Variants in FGF12 observed in about 807,000 individuals in gnomAD.
The protein encoded by FGF12 is fibroblast growth factor 12, also known as fibroblast growth factor 12B.
A neutral mutation model predicts 23.6 loss-of-function variants in FGF12; 14 were observed. The observed-to-expected ratio is 0.59, with a 90% CI of 0.39 to 0.93. FGF12 has a LOEUF of 0.93. Ranked by LOEUF, FGF12 falls within the 40% of genes least tolerant of loss-of-function variation. The pLI, the probability that FGF12 is intolerant of heterozygous loss-of-function variation, is 0.00. For synonymous variants in FGF12, 62 were observed against 77.3 expected (o/e 0.80, Z 1.04); for missense variants, 175 against 217.8 (o/e 0.80, Z 1.24).
At chr3:192,455,429 G>T (rs1446306543) in intron 2 of FGF12, among the ~76,000 whole-genome samples, 1 of 152,082 alleles carries the variant, frequency 6.6e-6, no homozygotes, top group Non-Finnish European at 1.5e-5. Context: ...ATAGTTGCAA[G>T]GAAACTCTGC....
At chr3:192,305,857 T>TTTTTG in intron 4 of FGF12, among the ~76,000 whole-genome samples, 1 of 125,578 alleles carries the variant, frequency 8.0e-6, no homozygotes, top group Non-Finnish European at 1.7e-5. Context: ...CTCTCTGGTT[T>TTTTTG]TTTTTTTTTT....
chr3:192,726,931 T>TC (rs1446076743), intron 2 of FGF12: 5 of 541,194 alleles, frequency 9.2e-6, no homozygotes, highest in South Asian at 2.8e-5. Context: ...TCTCCCCACC[T>TC]CCCCCCAAAA....
At chr3:192,548,649 T>C (rs1316032296) in intron 2 of FGF12, among the ~76,000 whole-genome samples, 1 of 152,168 alleles carries the variant, frequency 6.6e-6, no homozygotes, top group African/African-American at 2.4e-5. Flanking sequence ...ATTCTGAACA[T>C]TATTATTAAT....
chr3:192,574,232 G>A (rs899475915), intron 2 of FGF12, among the ~76,000 whole-genome samples: 2 of 152,150 alleles, frequency 1.3e-5, no homozygotes, highest in African/African-American at 4.8e-5. Context: ...TTTGGATATG[G>A]AGAAACAAAG....
chr3:192,655,407 A>G (rs1203064591), intron 2 of FGF12, among the ~76,000 whole-genome samples: 3 of 152,168 alleles, frequency 2.0e-5, no homozygotes, highest in African/African-American at 7.2e-5. Flanking sequence ...GCTGCAATAG[A>G]CAGACAGACA....
chr3:192,599,327 T>A (rs1452760869), intron 2 of FGF12, among the ~76,000 whole-genome samples: 1 of 150,568 alleles, frequency 6.6e-6, no homozygotes, highest in Non-Finnish European at 1.5e-5. Flanking sequence ...AATTTAGGCC[T>A]TAACTTTGCA....
intron 4 of FGF12, among the ~76,000 whole-genome samples, chr3:192,212,231 G>A (rs1431015526): frequency 6.6e-6 from 1 of 152,032 alleles, no homozygotes; most frequent in African/African-American, 2.4e-5. Flanking sequence ...TTCTTTCATA[G>A]ACAATAAAAA....
At chr3:192,293,907 C>T (rs1393823980) in intron 4 of FGF12, among the ~76,000 whole-genome samples, 4 of 152,034 alleles carry the variant, frequency 2.6e-5, no homozygotes, top group Non-Finnish European at 5.9e-5. Flanking sequence ...CTCTTCTGGT[C>T]GATAGATGAG....
chr3:192,495,266 A>G lies in FGF12; in HGVS notation c.14-134728T>C, dbSNP rs180883697. Among the ~76,000 whole-genome samples, 680 of 152,284 alleles carry G rather than the reference A, an allele frequency of 4.5e-3. 5 individuals carry two copies. Among genetic ancestry groups the G allele is most frequent in the African/African-American group, 0.016 (645 of 41,560 alleles). ...TGAACAAAGCTATACAACAACATAC[A>G]CATTTATATCTATGTATGCTTATAT... On this transcript the variant is annotated intron_variant, in intron 2 of 5. Transcript: ENST00000445105.
chr3:192,284,378 C>T (rs1714324608), intron 4 of FGF12, among the ~76,000 whole-genome samples: 1 of 152,030 alleles, frequency 6.6e-6, no homozygotes, highest in Non-Finnish European at 1.5e-5. Flanking sequence ...CTAAAATATG[C>T]CCCAATTGCT....
intron 3 of FGF12, among the ~76,000 whole-genome samples, chr3:192,341,994 A>C (rs1325540882): frequency 6.6e-6 from 1 of 151,174 alleles, no homozygotes; most frequent in East Asian, 1.9e-4. Flanking sequence ...CTGTATGCCA[A>C]ATACCATGCC....
Position 192,408,911 on chromosome 3 carries a change from C to A in FGF12, c.14-48373G>T. 7 of 985,324 alleles carry A rather than the reference C, an allele frequency of 7.1e-6. No homozygotes were observed. The highest frequency in any genetic ancestry group is 8.4e-6 in the Non-Finnish European group (7 of 829,950). The allele number at this position is 985,324 out of a possible 1,614,324, so 61.0% of individuals were successfully genotyped here. A position where few individuals can be genotyped will look rare whatever the true frequency, so the allele number is the denominator to read the frequency against. The stretch of plus-strand genomic sequence containing the variant: ...ACAGAATGCATCGCGCCGGCTGCGG[C>A]TTTCCAGGGGCCGGCCACCCGAGTT... On this transcript the variant is annotated intron_variant, in intron 2 of 5. Transcript: ENST00000445105. The surrounding 1 kb of genome is among the most constrained non-coding windows in gnomAD (Gnocchi z 7.3).
chr3:192,535,959 C>G (rs1005583352), intron 2 of FGF12, among the ~76,000 whole-genome samples: 1 of 152,196 alleles, frequency 6.6e-6, no homozygotes, highest in African/African-American at 2.4e-5. Context: ...TCTAACCACC[C>G]ACAAATGCTG....
At chr3:192,579,562 CATT>C (rs1336056738) in intron 2 of FGF12, among the ~76,000 whole-genome samples, 1 of 152,068 alleles carries the variant, frequency 6.6e-6, no homozygotes, top group Non-Finnish European at 1.5e-5. Context: ...TTATTATTAT[CATT>C]ATTATTGAGA....
chr3:192,239,868 C>A (rs1170324144), intron 4 of FGF12, among the ~76,000 whole-genome samples: 2 of 152,168 alleles, frequency 1.3e-5, no homozygotes, highest in Non-Finnish European at 2.9e-5. Context: ...ATGGGGTAAC[C>A]CAAGTCACAA....
At chr3:192,381,763 A>T (rs1261718074) in intron 2 of FGF12, among the ~76,000 whole-genome samples, 1 of 152,210 alleles carries the variant, frequency 6.6e-6, no homozygotes, top group Non-Finnish European at 1.5e-5. Context: ...AAAGGTTCAA[A>T]GTCAGAAACG....
In FGF12 at chr3:192,215,503, G is replaced by A. The variant is rs1718147253; in HGVS notation, c.229-44847C>T. Reference sequence around the variant, plus strand: ...TACTACACATTATCTGTAGCATTGGGCCCAAATGTAAGTGCTTGGCTAATG... The same window carrying A: ...TACTACACATTATCTGTAGCATTGGACCCAAATGTAAGTGCTTGGCTAATG... On this transcript the variant is annotated intron_variant, in intron 4 of 5. Transcript: ENST00000445105. 2.0e-5 allele frequency among the ~76,000 whole-genome samples: 3 copies of A among 152,218 alleles called. No individual in the cohort carries two copies. In the South Asian group the frequency reaches 6.2e-4, roughly 32 times the overall value.
intron 4 of FGF12, among the ~76,000 whole-genome samples, chr3:192,313,196 C>A (rs2108674855): frequency 6.6e-6 from 1 of 152,116 alleles, no homozygotes; most frequent in East Asian, 1.9e-4. Flanking sequence ...TGTGTTCTCC[C>A]AATATGGGAG....
At chr3:192,453,654 T>G (rs554414894) in intron 2 of FGF12, among the ~76,000 whole-genome samples, 16 of 152,316 alleles carry the variant, frequency 1.1e-4, no homozygotes, top group South Asian at 8.3e-4. Flanking sequence ...GCATTTTTTT[T>G]GTCAGGATTT....
Sources: allele counts gnomAD v4.1 joint callset (sites outside exome capture counted in the v4.1 genomes callset), GRCh38; gene constraint gnomAD v4.1.1; non-coding constraint Gnocchi (gnomAD v3.1); transcripts MANE v1.5; gene names NCBI Gene and HGNC (gene_info 2026-07-23, HGNC 2026-07-21).